Variants in DDX60 observed in about 807,000 individuals in gnomAD.
DDX60 encodes the protein probable ATP-dependent RNA helicase DDX60.
DDX60 carries 165 observed loss-of-function variants against 212.8 expected under a neutral mutation model. The ratio of observed to expected loss-of-function variants is 0.78; its 90% CI spans 0.68 to 0.88. The LOEUF (loss-of-function observed/expected upper bound fraction) is 0.88, where lower values mean the gene tolerates loss of function less well. Ranked by LOEUF, DDX60 falls within the 40% of genes least tolerant of loss-of-function variation. The probability of loss-of-function intolerance (pLI) is 0.00; values close to 1 mark genes in which losing one functional copy is unlikely to be tolerated. For missense variants in DDX60, 1,905 were observed against 2,003.9 expected (o/e 0.95, Z 0.94); for synonymous variants, 703 against 685.3 (o/e 1.03, Z -0.40).
chr4:168,255,896 G>GAA, intron 25 of DDX60, 27 bp from the exon 26 acceptor site: 1 of 1,560,040 alleles, frequency 6.4e-7, no homozygotes, highest in Non-Finnish European at 8.6e-7. Context: ...TGTGCGCCTT[G>GAA]AAAATAACAT....
intron 37 of DDX60, 95 bp from the exon 38 acceptor site, chr4:168,217,127 T>A: frequency 1.4e-6 from 1 of 724,254 alleles, no homozygotes; most frequent in Admixed American, 3.0e-5. Context: ...GGAAATCCCA[T>A]CAGATGATGA....
Position 168,221,769 on chromosome 4 carries a change from T to C in DDX60, c.4937A>G (p.Tyr1646Cys). The C allele has an allele frequency of 6.2e-7, 1 of 1,613,150 alleles. No individual in the cohort carries two copies. The highest frequency in any genetic ancestry group is 8.5e-7 in the Non-Finnish European group (1 of 1,179,372). ...TAATCCTATCAAGGAACCATGTTTG[T>C]AGAAATCCAGTGCATAGGCATTAAG... Reference protein sequence around the residue: ...MSLNAYALDFYKHGSLIGLVQ... With the variant: ...MSLNAYALDFCKHGSLIGLVQ... The change falls in exon 36 of 38, where the codon TAC becomes TGC. Residue 1646 changes from tyrosine to cysteine, a missense_variant. Transcript: ENST00000393743.
upstream of DDX60, among the ~76,000 whole-genome samples, chr4:168,321,608 T>G (rs534337424): frequency 6.6e-6 from 1 of 152,288 alleles, no homozygotes; most frequent in South Asian, 2.1e-4. Flanking sequence ...TCTTCTGTTT[T>G]CAAGGAGAAT....
Position 168,308,177 on chromosome 4 carries a change from A to T in DDX60, c.93T>A (p.Asn31Lys), listed in dbSNP as rs751881998. 1 of 1,563,856 alleles carries T rather than the reference A, an allele frequency of 6.4e-7. No individual in the cohort carries two copies. The highest frequency in any genetic ancestry group is 1.2e-5 in the South Asian group (1 of 85,306). ...AAAAAAATTCAGATTCAACAAAATC[A>T]TTGAATAAACTGGAATATCTAAAAT... ...MPKAEYSSLFNDFVESEFFLI... is the reference protein window; with the variant it reads ...MPKAEYSSLFKDFVESEFFLI... The change falls in exon 4 of 38, where the codon AAT becomes AAA. Residue 31 changes from asparagine (N) to lysine (K), a missense_variant. Transcript: ENST00000393743.
At chr4:168,283,270 A>C (rs524722) in intron 13 of DDX60, among the ~76,000 whole-genome samples, 176 bp downstream of exon 13, 65,840 of 151,908 alleles carry the variant, frequency 0.43, 15,027 homozygotes, top group African/African-American at 0.6. Context: ...CTTTTTTATG[A>C]AGGTTAGGCT....
chr4:168,265,895 GGGAGAAA>G (rs1734829041), intron 22 of DDX60, among the ~76,000 whole-genome samples: 1 of 129,882 alleles, frequency 7.7e-6, no homozygotes, highest in Non-Finnish European at 1.7e-5. Flanking sequence ...GGGAAGGGAA[GGGAGAAA>G]GAAAAATGAG....
chr4:168,275,305 T>A, intron 16 of DDX60, 40 bp downstream of exon 16: 4 of 1,546,722 alleles, frequency 2.6e-6, no homozygotes, highest in Non-Finnish European at 3.5e-6. Context: ...TCACATATAA[T>A]AAGAAAATAC....
chr4:168,268,342 G>C (rs1005445254), intron 20 of DDX60, among the ~76,000 whole-genome samples: 2 of 152,198 alleles, frequency 1.3e-5, no homozygotes, highest in South Asian at 2.1e-4. Flanking sequence ...TGGGCACATA[G>C]GAGGTATTAT....
upstream of DDX60, among the ~76,000 whole-genome samples, chr4:168,322,684 T>C (rs1443538291): frequency 1.3e-5 from 2 of 152,214 alleles, no homozygotes; most frequent in African/African-American, 4.8e-5. Context: ...GGTGAGGGAA[T>C]GATTCCCACC....
rs754459739 is a variant in DDX60, at chr4:168,284,919, T to C, written c.1462A>G (p.Thr488Ala). 4 of 1,585,134 alleles carry C rather than the reference T, an allele frequency of 2.5e-6. No individual in the cohort carries two copies. The highest frequency in any genetic ancestry group is 3.4e-6 in the Non-Finnish European group (4 of 1,159,482). Residue 488 changes from threonine (T) to alanine (A), a missense_variant, in exon 12 of 38, where the codon ACT becomes GCT. Transcript: ENST00000393743. The stretch of plus-strand genomic sequence containing the variant: ...AATTCCTTTTGTTTAACCAGTGAAG[T>C]AACAATAGGATCATCACTGTGAGAC... ...PFLKSDDPIV[T>A]SLVKQKEFDE...
chr4:168,263,044 T>C (rs1030480011), intron 22 of DDX60, among the ~76,000 whole-genome samples: 1 of 152,242 alleles, frequency 6.6e-6, no homozygotes, highest in African/African-American at 2.4e-5. Flanking sequence ...TTCTATGAAC[T>C]GACTTCATAA....
At chr4:168,296,666 G>A (rs1039096841) in intron 6 of DDX60, among the ~76,000 whole-genome samples, 3 of 151,342 alleles carry the variant, frequency 2.0e-5, no homozygotes, top group East Asian at 1.9e-4. Context: ...AACAAACCTC[G>A]GTATCATTAA....
chr4:168,254,711 T>C (rs1734339321), intron 26 of DDX60, among the ~76,000 whole-genome samples: 2 of 151,928 alleles, frequency 1.3e-5, no homozygotes, highest in Non-Finnish European at 2.9e-5. Flanking sequence ...GGAGAGAGGG[T>C]AGAAATTCTA....
intron 33 of DDX60, among the ~76,000 whole-genome samples, chr4:168,235,508 G>T (rs1173020081): frequency 6.6e-6 from 1 of 152,042 alleles, no homozygotes; most frequent in Non-Finnish European, 1.5e-5. Flanking sequence ...AAGATGATAG[G>T]TCAATGACTA....
At chr4:168,236,399 T>C (rs1733632995) in intron 32 of DDX60, 26 bp from the exon 33 acceptor site, 5 of 1,563,328 alleles carry the variant, frequency 3.2e-6, no homozygotes, top group Non-Finnish European at 4.3e-6. Flanking sequence ...TGTCTTCTTG[T>C]AAATATGAAA....
At chr4:168,230,721 C>T (rs1276584186) in intron 33 of DDX60, among the ~76,000 whole-genome samples, 1 of 151,974 alleles carries the variant, frequency 6.6e-6, no homozygotes, top group Non-Finnish European at 1.5e-5. Flanking sequence ...GCATTAAATG[C>T]CTACATCAAA....
intron 6 of DDX60, among the ~76,000 whole-genome samples, chr4:168,301,377 G>T (rs1286236126): frequency 6.6e-6 from 1 of 151,986 alleles, no homozygotes; most frequent in African/African-American, 2.4e-5. Flanking sequence ...CAGGGGTGGG[G>T]CAGGGAAAAT....
At chr4:168,236,441 G>T in intron 32 of DDX60, 68 bp from the exon 33 acceptor site, 1 of 1,336,984 alleles carries the variant, frequency 7.5e-7, no homozygotes, top group Non-Finnish European at 1.0e-6. Flanking sequence ...TGTTTAAATG[G>T]AATGTCATAT....
At position 168,306,595 on chromosome 4, in the gene DDX60, C is replaced by A; in HGVS notation, c.390G>T (p.Glu130Asp). Residue 130 changes from glutamate to aspartate, a missense_variant, in exon 5 of 38, where the codon GAG (glutamate) becomes GAT (aspartate). By Grantham distance (45) the Glu-to-Asp change is conservative. Coordinates refer to ENST00000393743, the MANE Select transcript of DDX60 (RefSeq NM_017631.6). ...RTTFSRCLSK[E>D]WGSFLEESYP... ...AACTCTCTTCCAAGAAACTTCCCCA[C>A]TCTTTTGATAAGCATCTCGAAAATG... 2 of 1,614,164 alleles carry A rather than the reference C, an allele frequency of 1.2e-6. No individual in the cohort carries two copies. Among genetic ancestry groups the A allele is most frequent in the Non-Finnish European group, 1.7e-6 (2 of 1,180,010 alleles).
Sources: allele counts gnomAD v4.1 joint callset (sites outside exome capture counted in the v4.1 genomes callset), GRCh38; gene constraint gnomAD v4.1.1; transcripts MANE v1.5; gene names NCBI Gene and HGNC (gene_info 2026-07-23, HGNC 2026-07-21).